Variants in BCAS1 observed in about 807,000 individuals in gnomAD.
BCAS1 encodes breast carcinoma-amplified sequence 1.
BCAS1 carries 46 observed loss-of-function variants against 65.4 expected under a neutral mutation model. The ratio of observed to expected loss-of-function variants is 0.70; its 90% CI spans 0.55 to 0.90. BCAS1 has a LOEUF of 0.90. Among genes scored for constraint, BCAS1 ranks in the 40% least tolerant of loss-of-function variants. The probability of loss-of-function intolerance (pLI) is 0.00; values close to 1 mark genes in which losing one functional copy is unlikely to be tolerated. For missense variants in BCAS1, 793 were observed against 771.2 expected, an observed-to-expected ratio of 1.03 and a Z score of -0.33; for synonymous variants, 298 against 293.5, an observed-to-expected ratio of 1.02 and a Z score of -0.16.
intron 4 of BCAS1, among the ~76,000 whole-genome samples, chr20:54,023,784 T>C (rs941304391): frequency 1.3e-5 from 2 of 152,216 alleles, no homozygotes; most frequent in Non-Finnish European, 2.9e-5. Context: ...ACATTTCTAT[T>C]GTTTCAAAAA....
intron 9 of BCAS1, among the ~76,000 whole-genome samples, chr20:53,968,661 T>C (rs180847932): frequency 6.6e-6 from 1 of 152,362 alleles, no homozygotes; most frequent in Non-Finnish European, 1.5e-5. Context: ...TTTTCTTTTT[T>C]GTAAACAAAA....
chr20:53,971,498 A>G (rs1322020606), intron 9 of BCAS1, among the ~76,000 whole-genome samples: 2 of 152,258 alleles, frequency 1.3e-5, no homozygotes, highest in Non-Finnish European at 2.9e-5. Context: ...GCTGACGAAT[A>G]CAGCATGTGA....
chr20:53,970,348 T>C (rs1459513351), intron 9 of BCAS1, among the ~76,000 whole-genome samples: 1 of 152,200 alleles, frequency 6.6e-6, no homozygotes, highest in Non-Finnish European at 1.5e-5. Flanking sequence ...AGCTGGCTTT[T>C]AGTAGCCAAG....
intron 8 of BCAS1, among the ~76,000 whole-genome samples, chr20:53,976,849 AAAAGAGATTGCTGAATTTCTG>A (rs1255588894): frequency 2.0e-5 from 3 of 152,350 alleles, no homozygotes; most frequent in Non-Finnish European, 4.4e-5. Context: ...AAATGTTCCT[AAAAGAGATTGCTGAATTTCTG>A]AAAGCTTCTG....
At chr20:53,960,024 G>C (rs6127034) in intron 10 of BCAS1, among the ~76,000 whole-genome samples, 4 of 152,178 alleles carry the variant, frequency 2.6e-5, no homozygotes, top group Non-Finnish European at 2.9e-5. Context: ...GGGCTGTGTC[G>C]TAAGAGCCCT....
chr20:54,013,866 A>T lies in BCAS1; in HGVS notation c.723+14526T>A, dbSNP rs79349463. Among the ~76,000 whole-genome samples, 450 of 152,348 alleles carry T rather than the reference A, an allele frequency of 3.0e-3. 2 individuals carry two copies. The highest frequency in any genetic ancestry group is 0.01 in the African/African-American group (432 of 41,576). On this transcript the variant is annotated intron_variant, in intron 4 of 12. Coordinates refer to ENST00000688948, the MANE Select transcript of BCAS1 (RefSeq NM_001366298.2). Reference sequence around the variant, plus strand: ...TACCGTTTGTGTAAAAAAGAAAGAAAAAGAATTTATGTTTTATTTCTTATA... The same window carrying T: ...TACCGTTTGTGTAAAAAAGAAAGAATAAGAATTTATGTTTTATTTCTTATA...
chr20:54,064,573 G>C (rs1601050823), intron 1 of BCAS1, among the ~76,000 whole-genome samples: 1 of 152,172 alleles, frequency 6.6e-6, no homozygotes, highest in Non-Finnish European at 1.5e-5. Context: ...TTTCCAGCTG[G>C]TTATTCAGAA....
intron 6 of BCAS1, among the ~76,000 whole-genome samples, chr20:53,993,800 T>C (rs1414031309): frequency 6.6e-6 from 1 of 152,210 alleles, no homozygotes; most frequent in Non-Finnish European, 1.5e-5. Flanking sequence ...ATGTAGATGC[T>C]TCAGATACAT....
chr20:54,064,461 G>T, intron 1 of BCAS1, among the ~76,000 whole-genome samples: 1 of 152,150 alleles, frequency 6.6e-6, no homozygotes, highest in East Asian at 1.9e-4. Flanking sequence ...ACCCTTCTAG[G>T]GGCACTGCTT....
intron 7 of BCAS1, among the ~76,000 whole-genome samples, chr20:53,990,227 G>C (rs1205960722): frequency 6.6e-6 from 1 of 152,178 alleles, no homozygotes; most frequent in Non-Finnish European, 1.5e-5. Context: ...CCTGAGGAGA[G>C]AGGGGAGCAT....
At chr20:54,059,699 A>G (rs908537467) in intron 1 of BCAS1, among the ~76,000 whole-genome samples, 4 of 152,250 alleles carry the variant, frequency 2.6e-5, no homozygotes, top group Admixed American at 1.3e-4. Flanking sequence ...GGTATAACCT[A>G]TCGTTCCTAG....
intron 3 of BCAS1, among the ~76,000 whole-genome samples, chr20:54,034,652 A>G (rs915951230): frequency 3.3e-5 from 5 of 151,402 alleles, no homozygotes; most frequent in African/African-American, 1.2e-4. Context: ...ACAAATGGAA[A>G]AACATTCCAT....
At position 53,967,048 on chromosome 20, in the gene BCAS1, A is replaced by G. The variant is rs1246627080; in HGVS notation, c.1343T>C (p.Ile448Thr). The change falls in exon 10 of 13, where the codon ATT becomes ACT. Residue 448 changes from isoleucine to threonine, a missense_variant. Ile to Thr is a moderately conservative substitution (Grantham distance 89). Transcript: ENST00000688948. Reference sequence around the variant, plus strand: ...TGATTCTACTTCCTTGGACTTTATAATCTCTACTGGTGACTCACACACCAC... The same window carrying G: ...TGATTCTACTTCCTTGGACTTTATAGTCTCTACTGGTGACTCACACACCAC... ...ENVVCESPVE[I>T]IKSKEVESAL... 1.2e-5 allele frequency: 20 copies of G among 1,611,208 alleles called. No homozygotes were observed. The highest frequency in any genetic ancestry group is 1.7e-5 in the Non-Finnish European group (20 of 1,178,824).
chr20:54,066,444 A>G (rs1197412968), intron 1 of BCAS1, among the ~76,000 whole-genome samples: 2 of 152,136 alleles, frequency 1.3e-5, no homozygotes, highest in Non-Finnish European at 2.9e-5. Context: ...CTCCTCACTT[A>G]AGATCATGCT....
chr20:53,985,340 T>C lies in BCAS1; in HGVS notation c.1222A>G (p.Lys408Glu). 1 of 1,614,046 alleles carries C rather than the reference T, an allele frequency of 6.2e-7. No individual in the cohort carries two copies. The highest frequency in any genetic ancestry group is 8.5e-7 in the Non-Finnish European group (1 of 1,179,958). ...AGAGAGGTGGGTCCTGATTTCTCCT[T>C]GGTGCCTTCCTTCGCAGGTTCAGGG... Reference protein sequence around the residue: ...TTPEPAKEGTKEKSGPTSLPL... With the variant: ...TTPEPAKEGTEEKSGPTSLPL... Residue 408 changes from lysine to glutamate, a missense_variant, in exon 8 of 13, where the codon AAG (lysine) becomes GAG (glutamate). Transcript: ENST00000688948.
In BCAS1 at chr20:53,953,511, T is replaced by C; in HGVS notation, c.1736A>G (p.Asn579Ser). ...GAGCTTGTCCCCATTCTGCAGTGAGTTCGTGTCCACCGTGGCCTGCTCTGT... is the reference window on the plus strand; with the variant it reads ...GAGCTTGTCCCCATTCTGCAGTGAGCTCGTGTCCACCGTGGCCTGCTCTGT... Reference protein sequence around the residue: ...QCTEQATVDTNSLQNGDKLQK... With the variant: ...QCTEQATVDTSSLQNGDKLQK... Residue 579 changes from asparagine (N) to serine (S), a missense_variant, in exon 12 of 13, where the codon AAC (asparagine) becomes AGC (serine). Coordinates refer to ENST00000688948, the MANE Select transcript of BCAS1 (RefSeq NM_001366298.2). The C allele has an allele frequency of 6.2e-7, 1 of 1,614,040 alleles. No individual in the cohort carries two copies.
chr20:54,051,726 T>TTTGTTTGTTG (rs200585712), intron 3 of BCAS1, among the ~76,000 whole-genome samples: 6 of 149,238 alleles, frequency 4.0e-5, no homozygotes, highest in African/African-American at 1.5e-4. Flanking sequence ...TTTTTTTTTG[T>TTTGTTTGTTG]TTGTTGTTGT....
chr20:54,012,185 C>T (rs539186964), intron 4 of BCAS1, among the ~76,000 whole-genome samples: 2 of 152,190 alleles, frequency 1.3e-5, no homozygotes, highest in East Asian at 1.9e-4. Context: ...AGATAGCATT[C>T]TTGAAATAAT....
At chr20:54,049,476 G>A (rs1205253618) in intron 3 of BCAS1, among the ~76,000 whole-genome samples, 1 of 151,976 alleles carries the variant, frequency 6.6e-6, no homozygotes, top group Non-Finnish European at 1.5e-5. Context: ...GATCTATGAA[G>A]TTTTAGGCAT....
Sources: gnomAD v4.1 joint callset for allele counts (sites outside exome capture counted in the v4.1 genomes callset) on GRCh38, gnomAD v4.1.1 for gene constraint, MANE v1.5 for transcripts, NCBI Gene and HGNC (gene_info 2026-07-23, HGNC 2026-07-21) for gene names.